RXRA: variants seen among roughly 807,000 people sequenced by gnomAD.
The protein encoded by RXRA is retinoic acid receptor RXR-alpha.
Under a neutral mutation model 44.5 loss-of-function variants are expected in RXRA, and 5 were observed. The observed-to-expected ratio is 0.11, with a 90% CI of 0.06 to 0.24. The LOEUF is 0.24. Ranked by LOEUF, RXRA falls within the 10% of genes least tolerant of loss-of-function variation. The pLI, the probability that RXRA is intolerant of heterozygous loss-of-function variation, is 1.00. For synonymous variants in RXRA, 291 were observed against 271.4 expected (o/e 1.07, Z -0.71); for missense variants, 412 against 646.5 (o/e 0.64, Z 3.93).
intron 2 of RXRA, 112 bp downstream of exon 2, chr9:134,401,994 C>G (rs1830970323): frequency 4.3e-6 from 4 of 923,646 alleles, no homozygotes; most frequent in Middle Eastern, 3.4e-4. Flanking sequence ...GTGCTGTGGT[C>G]TCCCCGCTTG....
chr9:134,399,146 C>G (rs1048585955), intron 1 of RXRA, among the ~76,000 whole-genome samples: 3 of 152,218 alleles, frequency 2.0e-5, no homozygotes, highest in Non-Finnish European at 4.4e-5. Flanking sequence ...AAGAAGCTGG[C>G]TCAGGTTTCC....
intron 9 of RXRA, among the ~76,000 whole-genome samples, chr9:134,435,242 A>G (rs2119214892): frequency 6.6e-6 from 1 of 152,336 alleles, no homozygotes; most frequent in Non-Finnish European, 1.5e-5. Flanking sequence ...GGAGAGACTC[A>G]GGCCGTGCAC....
rs748046593 is a variant in RXRA at position 134,426,454 on chromosome 9, G to C, written c.911-2654G>C. 4 of 985,458 alleles carry C rather than the reference G, an allele frequency of 4.1e-6. No homozygotes were observed. Among genetic ancestry groups the C allele is most frequent in the Non-Finnish European group, 4.8e-6 (4 of 829,940 alleles). The allele number at this position is 985,458 out of a possible 1,614,324, so 61.0% of individuals were successfully genotyped here. On this transcript the variant is annotated intron_variant, in intron 6 of 9. Transcript: ENST00000481739. The surrounding 1 kb of genome is among the most constrained non-coding windows in gnomAD (Gnocchi z 4.6). ...GAGAAATAACCGAGTGAGGACATCG[G>C]GGTGGAGGGACAGGGGACAGGGGAG... is the stretch of plus-strand genomic sequence containing the variant.
rs945289997 is a variant in RXRA at position 134,433,266 on chromosome 9, C to T, written c.1136-836C>T. Among the ~76,000 whole-genome samples, 2 of 152,156 alleles carry T rather than the reference C, an allele frequency of 1.3e-5. No individual in the cohort carries two copies. The highest frequency in any genetic ancestry group is 2.9e-5 in the Non-Finnish European group (2 of 68,032). On this transcript the variant is annotated intron_variant, in intron 8 of 9. Coordinates refer to ENST00000481739, the MANE Select transcript of RXRA (RefSeq NM_002957.6). This position sits in a 1 kb window ranked among gnomAD's most constrained non-coding sequence, Gnocchi z 4.2. The stretch of plus-strand genomic sequence containing the variant: ...CGGCCCGGCCCGAGGAATCCCCATT[C>T]AGGTCCTGTGTGGTCTGGTTGCTAG...
Position 134,426,477 on chromosome 9 carries a change from G to A in RXRA, c.911-2631G>A. On this transcript the variant is annotated intron_variant, in intron 6 of 9. Transcript: ENST00000481739. The surrounding 1 kb of genome is among the most constrained non-coding windows in gnomAD (Gnocchi z 4.6). Reference sequence around the variant, plus strand: ...CGGGGTGGAGGGACAGGGGACAGGGGAGCTGAGATGCAGCCGGCGTGCCGG... The same window carrying A: ...CGGGGTGGAGGGACAGGGGACAGGGAAGCTGAGATGCAGCCGGCGTGCCGG... The A allele has an allele frequency of 1.0e-6, 1 of 985,446 alleles. No individual in the cohort carries two copies. Among genetic ancestry groups the A allele is most frequent in the Non-Finnish European group, 1.2e-6 (1 of 829,914 alleles). 61.0% of individuals were successfully genotyped at this position (985,446 alleles called of 1,614,324 possible). A position where few individuals can be genotyped will look rare whatever the true frequency, so the allele number is the denominator to read the frequency against.
rs892826594 is a variant in RXRA, at chr9:134,351,397, C to T, written c.28+24738C>T. 2.0e-5 allele frequency among the ~76,000 whole-genome samples: 3 copies of T among 152,206 alleles called. No homozygotes were observed. The East Asian group carries it at 5.8e-4, about 29-fold the overall frequency. ...CGGGCCCGGCAGGCTGGTTGTGAGG[C>T]AGGCTGGTCTCCAGTCCCTGCCTGC... On this transcript the variant is annotated intron_variant, in intron 1 of 9. Transcript: ENST00000481739.
chr9:134,419,724 T>C (rs973257787), intron 5 of RXRA, among the ~76,000 whole-genome samples: 1 of 152,144 alleles, frequency 6.6e-6, no homozygotes, highest in South Asian at 2.1e-4. Flanking sequence ...AATGGGAGGC[T>C]CACAGAGGTT....
chr9:134,399,659 A>G (rs774438964), intron 1 of RXRA, among the ~76,000 whole-genome samples: 1 of 152,242 alleles, frequency 6.6e-6, no homozygotes, highest in Non-Finnish European at 1.5e-5. Flanking sequence ...GGTGCCACCA[A>G]CATCTGGTTC....
intron 1 of RXRA, among the ~76,000 whole-genome samples, chr9:134,354,337 A>G (rs1341532085): frequency 6.6e-6 from 1 of 152,068 alleles, no homozygotes; most frequent in Non-Finnish European, 1.5e-5. Flanking sequence ...CTTCTGCAGA[A>G]TTTTCTGCCC....
At chr9:134,416,720 G>A (rs922977748) in intron 4 of RXRA, among the ~76,000 whole-genome samples, 5 of 151,884 alleles carry the variant, frequency 3.3e-5, no homozygotes, top group South Asian at 2.1e-4. Flanking sequence ...CCTCATGAGC[G>A]TGCTCTGCTC....
At chr9:134,379,223 T>A in intron 1 of RXRA, 1 of 978,316 alleles carries the variant, frequency 1.0e-6, no homozygotes, top group Non-Finnish European at 1.2e-6. Context: ...AACTGGGCCT[T>A]TCCTGATCCC....
chr9:134,424,580 T>G (rs1022884681), intron 6 of RXRA: 16 of 985,424 alleles, frequency 1.6e-5, no homozygotes, highest in Non-Finnish European at 1.8e-5. Context: ...TGTGCCTCAG[T>G]GTCCTTGTGT....
At chr9:134,430,297 C>CG (rs1321937624) in intron 7 of RXRA, among the ~76,000 whole-genome samples, 3 of 152,282 alleles carry the variant, frequency 2.0e-5, no homozygotes, top group South Asian at 4.1e-4. Context: ...AGGGGCACTG[C>CG]GGGGTCCCTT....
chr9:134,339,274 CA>C (rs1380342163), intron 1 of RXRA, among the ~76,000 whole-genome samples: 1 of 152,284 alleles, frequency 6.6e-6, no homozygotes, highest in African/African-American at 2.4e-5. Context: ...GCCTGGCCTT[CA>C]GGGGCGCGTC....
intron 1 of RXRA, among the ~76,000 whole-genome samples, chr9:134,396,434 G>A (rs959561128): frequency 2.0e-5 from 3 of 152,100 alleles, no homozygotes; most frequent in African/African-American, 7.2e-5. Context: ...CAGTACTTCC[G>A]GAGGTGGGGG....
At chr9:134,425,546 TG>T (rs1181057797) in intron 6 of RXRA, 4 of 179,186 alleles carry the variant, frequency 2.2e-5, no homozygotes, top group Non-Finnish European at 2.6e-5. Flanking sequence ...GGCGGCAGGG[TG>T]GGGGGTGGGG....
chr9:134,392,753 G>T (rs2119125292), intron 1 of RXRA, among the ~76,000 whole-genome samples: 1 of 152,302 alleles, frequency 6.6e-6, no homozygotes, highest in African/African-American at 2.4e-5. Context: ...CAGATTTGCG[G>T]TCCCTGGTCC....
rs1831633585 is a variant in RXRA at position 134,436,952 on chromosome 9, G to A, written c.*338G>A. The A allele has an allele frequency of 1.8e-5, 5 of 275,010 alleles. No individual in the cohort carries two copies. In the South Asian group the frequency reaches 2.6e-4, roughly 14 times the overall value. The allele number at this position is 275,010 out of a possible 1,614,324, so 17.0% of individuals were successfully genotyped here. A position where few individuals can be genotyped will look rare whatever the true frequency, so the allele number is the denominator to read the frequency against. Reference sequence around the variant, plus strand: ...ACAGGGTCTTCGGGCCCCAGCCCTGGAGCTGCAGGAGTTGGGAACGGGGCT... The same window carrying A: ...ACAGGGTCTTCGGGCCCCAGCCCTGAAGCTGCAGGAGTTGGGAACGGGGCT... On this transcript the variant is annotated 3_prime_UTR_variant, in exon 10 of 10. Transcript: ENST00000481739.
At chr9:134,374,423 G>A (rs1367709952) in intron 1 of RXRA, among the ~76,000 whole-genome samples, 1 of 152,234 alleles carries the variant, frequency 6.6e-6, no homozygotes, top group Non-Finnish European at 1.5e-5. Context: ...GTGAGGGGGT[G>A]AATCGCAGGC....
Sources: allele counts gnomAD v4.1 joint callset (sites outside exome capture counted in the v4.1 genomes callset), GRCh38; gene constraint gnomAD v4.1.1; non-coding constraint Gnocchi (gnomAD v3.1); transcripts MANE v1.5; gene names NCBI Gene and HGNC (gene_info 2026-07-23, HGNC 2026-07-21).